Variants in NPAS3 observed in about 807,000 individuals in gnomAD.
NPAS3 encodes the protein neuronal PAS domain-containing protein 3.
NPAS3 carries 14 observed loss-of-function variants against 73.1 expected under a neutral mutation model. The ratio of observed to expected loss-of-function variants is 0.19; its 90% CI spans 0.13 to 0.30. The LOEUF is 0.30. NPAS3 is among the 10% of genes least tolerant of loss of function. The pLI is 1.00. For synonymous variants in NPAS3, 620 were observed against 541.5 expected, an observed-to-expected ratio of 1.14 and a Z score of -2.01; for missense variants, 1,096 against 1,250.0, an observed-to-expected ratio of 0.88 and a Z score of 1.86.
rs532043530 is a variant in NPAS3 at position 33,534,209 on chromosome 14, C to A, written c.469-25912C>A. Among the ~76,000 whole-genome samples, 533 of 104,716 alleles carry A rather than the reference C, an allele frequency of 5.1e-3. 4 individuals are homozygous for A. The highest frequency in any genetic ancestry group is 0.019 in the African/African-American group (474 of 24,876). The allele number at this position is 104,716 out of a possible 152,430, so 68.7% of individuals were successfully genotyped here. On this transcript the variant is annotated intron_variant, in intron 4 of 11. Coordinates refer to ENST00000356141, the Ensembl canonical transcript of NPAS3. ...GCTATGTGTGGTACTTACTATTTCA[C>A]AGAGCAGTAAAAAAAAAAAAAAAAA...
intron 5 of NPAS3, among the ~76,000 whole-genome samples, chr14:33,587,007 G>C (rs1200143725): frequency 6.6e-6 from 1 of 152,190 alleles, no homozygotes; most frequent in African/African-American, 2.4e-5. Flanking sequence ...CAAACAAGGA[G>C]CTTTTGTCTG....
chr14:33,379,504 T>C (rs1271284891), intron 4 of NPAS3, among the ~76,000 whole-genome samples: 1 of 152,182 alleles, frequency 6.6e-6, no homozygotes, highest in Non-Finnish European at 1.5e-5. Context: ...GAGTAGCCCT[T>C]GGTGGTAGCA....
intron 2 of NPAS3, among the ~76,000 whole-genome samples, chr14:33,172,609 G>A (rs1161958244): frequency 2.6e-5 from 4 of 152,020 alleles, no homozygotes; most frequent in Non-Finnish European, 5.9e-5. Flanking sequence ...GGTGGTCCAT[G>A]CCTGCAATCC....
chr14:32,938,834 C>CCCGCCGCCG (rs1047805754), upstream of NPAS3, among the ~76,000 whole-genome samples: 2 of 146,216 alleles, frequency 1.4e-5, no homozygotes, highest in South Asian at 2.1e-4. Context: ...GCCGCCTCCC[C>CCCGCCGCCG]CCGCCGCCGC....
At chr14:33,172,900 A>T (rs973148945) in intron 2 of NPAS3, among the ~76,000 whole-genome samples, 12 of 152,070 alleles carry the variant, frequency 7.9e-5, no homozygotes, top group Non-Finnish European at 1.2e-4. Flanking sequence ...TGTGATTACT[A>T]AATTTCTGAA....
intron 5 of NPAS3, among the ~76,000 whole-genome samples, chr14:33,652,182 A>G (rs776566358): frequency 6.6e-6 from 1 of 152,174 alleles, no homozygotes; most frequent in Non-Finnish European, 1.5e-5. Flanking sequence ...ATGTATTCTC[A>G]TAAAATTATC....
intron 5 of NPAS3, among the ~76,000 whole-genome samples, chr14:33,563,971 T>C (rs1471760704): frequency 6.6e-6 from 1 of 152,210 alleles, no homozygotes; most frequent in East Asian, 1.9e-4. Flanking sequence ...TAAAAAGTAT[T>C]TCTAGTTGAT....
intron 7 of NPAS3, among the ~76,000 whole-genome samples, chr14:33,766,444 T>C (rs1217001227): frequency 6.6e-6 from 1 of 152,204 alleles, no homozygotes; most frequent in Non-Finnish European, 1.5e-5. Flanking sequence ...ACACTTTTTA[T>C]GTAATTGTAG....
intron 4 of NPAS3, among the ~76,000 whole-genome samples, chr14:33,402,101 G>A (rs180751708): frequency 6.6e-6 from 1 of 152,150 alleles, no homozygotes; most frequent in Admixed American, 6.6e-5. Flanking sequence ...CTGTTGCCCA[G>A]TAGACATTCT....
intron 4 of NPAS3, among the ~76,000 whole-genome samples, chr14:33,407,079 A>C (rs573711698): frequency 1.5e-3 from 227 of 152,256 alleles, no homozygotes; most frequent in African/African-American, 5.3e-3. Context: ...AAGACCTACA[A>C]ATTATCTGTG....
chr14:33,410,050 T>C lies in NPAS3; in HGVS notation c.468+42782T>C, dbSNP rs57404476. On this transcript the variant is annotated intron_variant, in intron 4 of 11. Transcript: ENST00000356141. ...AAGTCTCATGTTGAGTTGATTTTTT[T>C]AAATCACTGCATAAATAGATTTTTA... 6.0e-3 allele frequency among the ~76,000 whole-genome samples: 917 copies of C among 152,292 alleles called. 5 individuals are homozygous for C. Among genetic ancestry groups the C allele is most frequent in the African/African-American group, 0.021 (884 of 41,562 alleles).
intron 4 of NPAS3, among the ~76,000 whole-genome samples, chr14:33,486,752 G>A (rs2051621096): frequency 6.6e-6 from 1 of 152,178 alleles, no homozygotes; most frequent in Non-Finnish European, 1.5e-5. Context: ...CCTCAGGCAG[G>A]CCTGGGGACT....
At chr14:33,376,305 A>G (rs1430060346) in intron 4 of NPAS3, among the ~76,000 whole-genome samples, 2 of 152,338 alleles carry the variant, frequency 1.3e-5, no homozygotes, top group East Asian at 3.9e-4. Context: ...TTATTTAAAC[A>G]ATTAATGCTG....
chr14:33,211,942 A>C (rs1467775122), intron 2 of NPAS3, among the ~76,000 whole-genome samples: 1 of 152,194 alleles, frequency 6.6e-6, no homozygotes, highest in Non-Finnish European at 1.5e-5. Context: ...CGTATTTTAG[A>C]TGGCAGAGAT....
chr14:33,386,471 T>G (rs1386892552), intron 4 of NPAS3, among the ~76,000 whole-genome samples: 3 of 151,698 alleles, frequency 2.0e-5, no homozygotes, highest in African/African-American at 4.8e-5. Context: ...GGCAGATGTA[T>G]GTACTGGGGT....
intron 7 of NPAS3, among the ~76,000 whole-genome samples, chr14:33,738,419 A>G (rs1595529476): frequency 2.0e-5 from 3 of 152,176 alleles, no homozygotes; most frequent in Non-Finnish European, 4.4e-5. Flanking sequence ...TGCCTGATTG[A>G]GACCTTCCCT....
intron 1 of NPAS3, among the ~76,000 whole-genome samples, chr14:32,988,359 T>G (rs1273069775): frequency 5.9e-5 from 9 of 152,198 alleles, no homozygotes; most frequent in Admixed American, 5.9e-4. Flanking sequence ...TCAGTAAAAC[T>G]AAATTATAAA....
At chr14:33,205,115 A>G (rs1166740113) in intron 2 of NPAS3, among the ~76,000 whole-genome samples, 1 of 152,122 alleles carries the variant, frequency 6.6e-6, no homozygotes, top group Non-Finnish European at 1.5e-5. Flanking sequence ...GAAATAAACA[A>G]TCTTAATATT....
At chr14:33,731,439 A>AAG (rs2061399025) in intron 6 of NPAS3, among the ~76,000 whole-genome samples, 1 of 123,512 alleles carries the variant, frequency 8.1e-6, no homozygotes, top group East Asian at 2.4e-4. Flanking sequence ...AAAAAAAAAA[A>AAG]AGAGAGAGAG....
Sources: allele counts gnomAD v4.1 joint callset (sites outside exome capture counted in the v4.1 genomes callset), GRCh38; gene constraint gnomAD v4.1.1; transcripts MANE v1.5; gene names NCBI Gene and HGNC (gene_info 2026-07-23, HGNC 2026-07-21).